AEBP2: variants seen among roughly 807,000 people sequenced by gnomAD.
AEBP2 encodes the protein AE binding protein 2.
A neutral mutation model predicts 50.8 loss-of-function variants in AEBP2; 10 were observed. The ratio of observed to expected loss-of-function variants is 0.20; its 90% confidence interval spans 0.12 to 0.33. AEBP2 has a LOEUF of 0.33. Among genes scored for constraint, AEBP2 ranks in the 10% least tolerant of loss-of-function variants. AEBP2 has a pLI of 1.00. For synonymous variants in AEBP2, 296 were observed against 261.3 expected (o/e 1.13, Z -1.28); for missense variants, 570 against 688.0 (o/e 0.83, Z 1.92).
intron 1 of AEBP2, among the ~76,000 whole-genome samples, chr12:19,434,298 C>T (rs939025072): frequency 3.3e-5 from 5 of 151,896 alleles, no homozygotes; most frequent in African/African-American, 7.3e-5. Flanking sequence ...CTCAGCCTCC[C>T]GAGTAGCTGG....
intron 1 of AEBP2, among the ~76,000 whole-genome samples, chr12:19,432,964 A>G (rs1417195954): frequency 1.3e-5 from 2 of 152,166 alleles, no homozygotes; most frequent in Admixed American, 1.3e-4. Context: ...TCCTAATCAA[A>G]TAGCCCTTAT....
chr12:19,511,348 G>A (rs913839739), intron 5 of AEBP2, among the ~76,000 whole-genome samples: 10 of 152,102 alleles, frequency 6.6e-5, no homozygotes, highest in African/African-American at 1.9e-4. Flanking sequence ...TTAGAGAGCA[G>A]GACAGTATTT....
Position 19,518,382 on chromosome 12 carries a change from T to G in AEBP2, c.*265T>G. On this transcript the variant is annotated 3_prime_UTR_variant, in exon 8 of 8. Coordinates refer to ENST00000266508, the MANE Select transcript of AEBP2 (RefSeq NM_153207.5). The stretch of plus-strand genomic sequence containing the variant: ...GTGGGAGACTGAGCAAACACTCTTT[T>G]GGCAACTTAGTAGAACAGCTTCTTA... The G allele has an allele frequency of 3.2e-6, 4 of 1,231,054 alleles. No individual in the cohort carries two copies. Among genetic ancestry groups the G allele is most frequent in the Non-Finnish European group, 4.1e-6 (4 of 985,742 alleles). The allele number at this position is 1,231,054 out of a possible 1,614,324, so 76.3% of individuals were successfully genotyped here.
At chr12:19,454,562 T>C (rs960762045) in intron 1 of AEBP2, among the ~76,000 whole-genome samples, 4 of 152,216 alleles carry the variant, frequency 2.6e-5, no homozygotes, top group Non-Finnish European at 5.9e-5. Context: ...GATGTATTCA[T>C]AGAAAATTCT....
At chr12:19,491,049 T>C (rs1293298296) in intron 3 of AEBP2, among the ~76,000 whole-genome samples, 2 of 152,198 alleles carry the variant, frequency 1.3e-5, no homozygotes, top group Admixed American at 6.5e-5. Context: ...AATAACCATA[T>C]TTAAAGTGTT....
intron 1 of AEBP2, among the ~76,000 whole-genome samples, chr12:19,446,822 A>C (rs532393886): frequency 1.3e-5 from 2 of 152,032 alleles, no homozygotes; most frequent in South Asian, 4.2e-4. Flanking sequence ...AGCTACTTGA[A>C]AGGCTGAGGC....
intron 1 of AEBP2, among the ~76,000 whole-genome samples, chr12:19,462,301 G>T (rs547123952): frequency 1.3e-5 from 2 of 152,222 alleles, no homozygotes; most frequent in South Asian, 2.1e-4. Context: ...TTCTGATTTT[G>T]AGGTACTGTC....
At chr12:19,466,549 T>C (rs924744126) in intron 2 of AEBP2, among the ~76,000 whole-genome samples, 21 of 152,186 alleles carry the variant, frequency 1.4e-4, no homozygotes, top group African/African-American at 9.6e-5. Flanking sequence ...CTCCAGAACT[T>C]GTAAATTATC....
chr12:19,406,627 G>A lies in AEBP2; in HGVS notation c.-17+2411G>A, dbSNP rs571780891. The stretch of plus-strand genomic sequence containing the variant: ...ACCCAGGAGGCGGAGGTTGCAGTGA[G>A]CTGAGATTGCGCCATTGCACTCCAG... On this transcript the variant is annotated intron_variant, in intron 1 of 3. Transcript: ENST00000538425. 2.8e-3 allele frequency among the ~76,000 whole-genome samples: 410 copies of A among 149,052 alleles called. 2 individuals are homozygous for A. The highest frequency in any genetic ancestry group is 9.8e-3 in the African/African-American group (398 of 40,640).
chr12:19,484,620 G>A (rs770192383), intron 3 of AEBP2, among the ~76,000 whole-genome samples: 24 of 151,944 alleles, frequency 1.6e-4, no homozygotes, highest in South Asian at 4.2e-4. Context: ...TGATCCGCCC[G>A]CCTTGGCCTC....
Position 19,494,851 on chromosome 12 carries a change from G to C in AEBP2, c.1174+865G>C, listed in dbSNP as rs73339348. Among the ~76,000 whole-genome samples, 431 of 152,268 alleles carry C rather than the reference G, an allele frequency of 2.8e-3. 3 individuals carry two copies. Among genetic ancestry groups the C allele is most frequent in the African/African-American group, 1.0e-2 (415 of 41,556 alleles). On this transcript the variant is annotated intron_variant, in intron 4 of 7. Coordinates refer to ENST00000266508, the MANE Select transcript of AEBP2 (RefSeq NM_153207.5). ...AGTAGGAACAGACTTTGCAACCTCA[G>C]AGTGTAGCTGGTCACTGCTTCTTTG...
At chr12:19,464,754 AT>A (rs1948441777) in intron 2 of AEBP2, among the ~76,000 whole-genome samples, 1 of 150,768 alleles carries the variant, frequency 6.6e-6, no homozygotes, top group Non-Finnish European at 1.5e-5. Flanking sequence ...GCCTGGCTAA[AT>A]TTTTTTGTAT....
At chr12:19,446,607 CTGT>C (rs1241709092) in intron 1 of AEBP2, among the ~76,000 whole-genome samples, 3 of 152,094 alleles carry the variant, frequency 2.0e-5, no homozygotes, top group Non-Finnish European at 4.4e-5. Flanking sequence ...TGGCGGGCAC[CTGT>C]AGTCCCAGCT....
chr12:19,481,092 C>CTTTTTTTTTTTTTTTTT lies in AEBP2; in HGVS notation c.987+7747_987+7763dup, dbSNP rs71067027. 1.4e-4 allele frequency among the ~76,000 whole-genome samples: 10 copies of CTTTTTTTTTTTTTTTTT among 74,054 alleles called. 4 individuals carry two copies. Among genetic ancestry groups the CTTTTTTTTTTTTTTTTT allele is most frequent in the African/African-American group, 5.1e-4 (9 of 17,580 alleles). 48.6% of individuals were successfully genotyped at this position (74,054 alleles called of 152,430 possible). A position where few individuals can be genotyped will look rare whatever the true frequency, so the allele number is the denominator to read the frequency against. ...TGTTATTGAAACTTTGCAGTGCATC[C>CTTTTTTTTTTTTTTTTT]TTTTTTTTTTTTTTTTTTTTTTTTT... On this transcript the variant is annotated intron_variant, in intron 3 of 7. Coordinates refer to ENST00000266508, the MANE Select transcript of AEBP2 (RefSeq NM_153207.5).
intron 3 of AEBP2, among the ~76,000 whole-genome samples, chr12:19,479,717 G>GTTTCTTTTTTTTT (rs1948698002): frequency 7.6e-4 from 17 of 22,316 alleles, no homozygotes; most frequent in Non-Finnish European, 1.2e-3. Context: ...CTCTTTGTGG[G>GTTTCTTTTTTTTT]TTTTTTTTTT....
chr12:19,447,620 T>C (rs540460342), intron 1 of AEBP2, among the ~76,000 whole-genome samples: 1 of 152,170 alleles, frequency 6.6e-6, no homozygotes, highest in African/African-American at 2.4e-5. Flanking sequence ...ATCTGTAAAA[T>C]AGGAGCAGTG....
chr12:19,406,543 G>A (rs1488944046), intron 1 of AEBP2, among the ~76,000 whole-genome samples: 1 of 152,016 alleles, frequency 6.6e-6, no homozygotes, highest in Non-Finnish European at 1.5e-5. Flanking sequence ...GCCGAACGTG[G>A]TGGCATGCAC....
rs1949378851 is a variant in AEBP2, at chr12:19,520,310, A to C, written c.*2193A>C. 1 of 152,166 alleles carries C rather than the reference A, an allele frequency of 6.6e-6. No individual in the cohort carries two copies. Among genetic ancestry groups the C allele is most frequent in the Admixed American group, 6.5e-5 (1 of 15,280 alleles). 9.4% of individuals were successfully genotyped at this position (152,166 alleles called of 1,614,324 possible). A position where few individuals can be genotyped will look rare whatever the true frequency, so the allele number is the denominator to read the frequency against. Reference sequence around the variant, plus strand: ...TGATATTTTCTATATAGAGCACAGTAAATAAGTTTTTTCATTGTGTAGAAA... The same window carrying C: ...TGATATTTTCTATATAGAGCACAGTCAATAAGTTTTTTCATTGTGTAGAAA... On this transcript the variant is annotated 3_prime_UTR_variant, in exon 8 of 8. Coordinates refer to ENST00000266508, the MANE Select transcript of AEBP2 (RefSeq NM_153207.5).
intron 1 of AEBP2, chr12:19,456,329 C>T: frequency 7.0e-7 from 1 of 1,428,700 alleles, no homozygotes; most frequent in Non-Finnish European, 9.8e-7. Context: ...TGATGACATC[C>T]ACTGCAACTG....
Sources: gnomAD v4.1 joint callset for allele counts (sites outside exome capture counted in the v4.1 genomes callset) on GRCh38, gnomAD v4.1.1 for gene constraint, MANE v1.5 for transcripts, NCBI Gene and HGNC (gene_info 2026-07-23, HGNC 2026-07-21) for gene names.